Variants in TTC7B observed in about 807,000 individuals in gnomAD.
TTC7B encodes the protein tetratricopeptide repeat protein 7B.
Under a neutral mutation model 106.8 loss-of-function variants are expected in TTC7B, and 28 were observed. The ratio of observed to expected loss-of-function variants is 0.26; its 90% confidence interval spans 0.19 to 0.36. The LOEUF (loss-of-function observed/expected upper bound fraction) is 0.36. Among genes scored for constraint, TTC7B ranks in the 10% least tolerant of loss-of-function variants. The pLI is 1.00. For missense variants in TTC7B, 862 were observed against 1,076.4 expected, an observed-to-expected ratio of 0.80 and a Z score of 2.79; for synonymous variants, 405 against 430.6, an observed-to-expected ratio of 0.94 and a Z score of 0.74.
intron 17 of TTC7B, among the ~76,000 whole-genome samples, chr14:90,599,809 C>G (rs1892356454): frequency 6.6e-6 from 1 of 152,186 alleles, no homozygotes; most frequent in Non-Finnish European, 1.5e-5. Context: ...TCAACTTATT[C>G]ACAATTAAAA....
intron 19 of TTC7B, among the ~76,000 whole-genome samples, chr14:90,574,253 A>G (rs561808596): frequency 1.3e-5 from 2 of 152,272 alleles, no homozygotes; most frequent in East Asian, 3.8e-4. Context: ...ATGTAAATTT[A>G]TACACTTATG....
intron 15 of TTC7B, among the ~76,000 whole-genome samples, chr14:90,633,343 A>T (rs1884783782): frequency 6.6e-6 from 1 of 152,242 alleles, no homozygotes; most frequent in African/African-American, 2.4e-5. Flanking sequence ...CAAATCAATT[A>T]AAAATCTATG....
chr14:90,701,239 G>A (rs1207086534), intron 5 of TTC7B, among the ~76,000 whole-genome samples: 1 of 152,148 alleles, frequency 6.6e-6, no homozygotes, highest in African/African-American at 2.4e-5. Flanking sequence ...AGCTGTACTG[G>A]GCTTAACAAC....
At chr14:90,676,433 G>C in intron 9 of TTC7B, 90 bp downstream of exon 9, 1 of 1,464,234 alleles carries the variant, frequency 6.8e-7, no homozygotes. Flanking sequence ...AATAGAGGGG[G>C]GCCCAGGACC....
chr14:90,606,325 T>C (rs1451241708), intron 17 of TTC7B, among the ~76,000 whole-genome samples: 1 of 152,172 alleles, frequency 6.6e-6, no homozygotes, highest in Non-Finnish European at 1.5e-5. Flanking sequence ...GCTGCCTTCA[T>C]GTCTTACAGC....
intron 3 of TTC7B, among the ~76,000 whole-genome samples, chr14:90,768,320 G>C (rs1303516057): frequency 3.9e-5 from 6 of 152,190 alleles, no homozygotes; most frequent in Admixed American, 1.3e-4. Context: ...AATCATGGTG[G>C]AAGGGGATGC....
chr14:90,668,176 G>T (rs1018577677), intron 9 of TTC7B, among the ~76,000 whole-genome samples: 11 of 150,776 alleles, frequency 7.3e-5, no homozygotes, highest in African/African-American at 2.7e-4. Context: ...TTGCCCTACT[G>T]CTCCAAAAAG....
At chr14:90,596,482 T>C (rs1167304250) in intron 17 of TTC7B, among the ~76,000 whole-genome samples, 2 of 152,200 alleles carry the variant, frequency 1.3e-5, no homozygotes, top group South Asian at 2.1e-4. Flanking sequence ...TTAGAGAACA[T>C]ACCATGTTTC....
At position 90,794,207 on chromosome 14, in the gene TTC7B, A is replaced by ACT. The variant is rs1566891563; in HGVS notation, c.122-7880_122-7879insAG. ...TGTGAGCCACTGCACCTGGCTGGGT[A>ACT]TTTCTTTTTTTTTTTTTTTTTTTTT... On this transcript the variant is annotated intron_variant, in intron 1 of 19. Coordinates refer to ENST00000328459, the MANE Select transcript of TTC7B (RefSeq NM_001010854.2). Among the ~76,000 whole-genome samples, 8 of 130,618 alleles carry ACT rather than the reference A, an allele frequency of 6.1e-5. 2 individuals carry two copies. Among genetic ancestry groups the ACT allele is most frequent in the Non-Finnish European group, 6.2e-5 (4 of 64,768 alleles). 85.7% of individuals were successfully genotyped at this position (130,618 alleles called of 152,430 possible). A position where few individuals can be genotyped will look rare whatever the true frequency, so the allele number is the denominator to read the frequency against.
At position 90,577,763 on chromosome 14, in the gene TTC7B, G is replaced by A. The variant is rs907582993; in HGVS notation, c.2310+343C>T. Among the ~76,000 whole-genome samples, 1 of 152,252 alleles carries A rather than the reference G, an allele frequency of 6.6e-6. No homozygotes were observed. The highest frequency in any genetic ancestry group is 1.5e-5 in the Non-Finnish European group (1 of 68,040). On this transcript the variant is annotated intron_variant, in intron 19 of 19. Coordinates refer to ENST00000328459, the MANE Select transcript of TTC7B (RefSeq NM_001010854.2). The surrounding 1 kb of genome is among the most constrained non-coding windows in gnomAD (Gnocchi z 5.0). ...CCCCCGAAGGTGGCTACTGCAAGCA[G>A]CACAGAGGCTGAGATGACAGTGACA... is the stretch of plus-strand genomic sequence containing the variant.
intron 5 of TTC7B, chr14:90,699,070 G>A (rs1887879769): frequency 4.7e-6 from 2 of 426,698 alleles, no homozygotes; most frequent in Non-Finnish European, 9.3e-6. Context: ...CCTCTGTCCT[G>A]GCGATAGGTT....
intron 15 of TTC7B, among the ~76,000 whole-genome samples, chr14:90,632,207 T>A (rs1344763583): frequency 6.6e-6 from 1 of 152,230 alleles, no homozygotes; most frequent in Non-Finnish European, 1.5e-5. Context: ...AACAGCCTCT[T>A]TCCTTGTGGT....
chr14:90,605,718 G>T, intron 17 of TTC7B: 1 of 1,286,266 alleles, frequency 7.8e-7, no homozygotes, highest in Non-Finnish European at 1.0e-6. Context: ...GAGGAGATTC[G>T]GTTCTTGAAA....
chr14:90,649,066 A>T (rs1885600501), intron 13 of TTC7B, among the ~76,000 whole-genome samples: 1 of 152,146 alleles, frequency 6.6e-6, no homozygotes, highest in Non-Finnish European at 1.5e-5. Context: ...TCATCAAATG[A>T]TTTTTCTCTG....
chr14:90,579,555 T>C (rs1013373785), intron 18 of TTC7B, among the ~76,000 whole-genome samples: 2 of 152,242 alleles, frequency 1.3e-5, no homozygotes, highest in Admixed American at 1.3e-4. Context: ...CCTAGTACTT[T>C]GGGAGGCCGA....
intron 5 of TTC7B, chr14:90,698,694 C>T (rs903589718): frequency 6.5e-6 from 1 of 153,114 alleles, no homozygotes; most frequent in Non-Finnish European, 1.5e-5. Context: ...GCATTTCCTT[C>T]CACTTGGAAT....
chr14:90,770,610 G>A (rs1049925863), intron 3 of TTC7B, among the ~76,000 whole-genome samples: 3 of 150,092 alleles, frequency 2.0e-5, no homozygotes, highest in South Asian at 2.1e-4. Flanking sequence ...CCGAGATCAC[G>A]CCATTGCACT....
rs557932423 is a variant in TTC7B at position 90,805,835 on chromosome 14, G to A, written c.121+10340C>T. ...TCAGAGTCACTCCTGTGAGCCCTGC[G>A]GCGGGCACAGCTCAATGCCCAGGGG... On this transcript the variant is annotated intron_variant, in intron 1 of 19. Transcript: ENST00000328459. This position sits in a 1 kb window ranked among gnomAD's most constrained non-coding sequence, Gnocchi z 4.0. Among the ~76,000 whole-genome samples the A allele has an allele frequency of 2.0e-5, 3 of 147,684 alleles. No individual in the cohort carries two copies. The South Asian group carries it at 6.5e-4, about 32-fold the overall frequency.
intron 2 of TTC7B, 72 bp from the exon 3 acceptor site, chr14:90,780,978 C>T (rs1891202946): frequency 1.4e-6 from 2 of 1,414,050 alleles, no homozygotes; most frequent in African/African-American, 1.4e-5. Flanking sequence ...AGAGTCTGGC[C>T]AGCTGCTGCC....
Sources: allele counts gnomAD v4.1 joint callset (sites outside exome capture counted in the v4.1 genomes callset), GRCh38; gene constraint gnomAD v4.1.1; non-coding constraint Gnocchi (gnomAD v3.1); transcripts MANE v1.5; gene names NCBI Gene and HGNC (gene_info 2026-07-23, HGNC 2026-07-21).